Variants in LCORL observed in about 807,000 individuals in gnomAD.
LCORL encodes the protein ligand dependent nuclear receptor corepressor like.
LCORL carries 41 observed loss-of-function variants against 141.8 expected under a neutral mutation model. That is an observed-to-expected ratio of 0.29 (90% CI 0.23 to 0.38). The LOEUF is 0.38. Among genes scored for constraint, LCORL ranks in the 10% least tolerant of loss-of-function variants. The pLI is 1.00. For missense variants in LCORL, 1,759 were observed against 2,035.0 expected (o/e 0.86, Z 2.61); for synonymous variants, 618 against 694.1 (o/e 0.89, Z 1.72).
At chr4:17,995,205 ATTT>A (rs10602340) in intron 1 of LCORL, among the ~76,000 whole-genome samples, 94 of 134,634 alleles carry the variant, frequency 7.0e-4, no homozygotes, top group Middle Eastern at 3.8e-3. Flanking sequence ...TCTTTTAAGC[ATTT>A]TTTTTTTTTT....
chr4:17,954,652 G>T (rs1156530476), intron 4 of LCORL, among the ~76,000 whole-genome samples: 1 of 152,162 alleles, frequency 6.6e-6, no homozygotes, highest in Non-Finnish European at 1.5e-5. Flanking sequence ...AACCAGACCA[G>T]ATGGGCCTCA....
At chr4:17,882,738 G>A (rs996789796) in intron 6 of LCORL, 1 of 983,804 alleles carries the variant, frequency 1.0e-6, no homozygotes, top group Non-Finnish European at 1.2e-6. Context: ...TTACACTGAG[G>A]TTTTTCAATA....
chr4:17,990,098 T>G (rs966466481), intron 1 of LCORL, among the ~76,000 whole-genome samples: 132 of 135,840 alleles, frequency 9.7e-4, no homozygotes, highest in African/African-American at 4.1e-3. Flanking sequence ...CTCTCTGCGT[T>G]TTTTTTTTTT....
chr4:17,892,741 A>G (rs1272693128), intron 5 of LCORL, among the ~76,000 whole-genome samples: 6 of 152,188 alleles, frequency 3.9e-5, no homozygotes, highest in Non-Finnish European at 8.8e-5. Context: ...ACCAAATGCC[A>G]CTTTAGACTT....
In LCORL at chr4:17,980,758, A is replaced by T. The variant is rs976169368; in HGVS notation, c.155-7873T>A. Reference sequence around the variant, plus strand: ...GTTAGGAAAGGGACCACACAGCAGGAGGTGAGCAGCGGGCAAGCGAGCATT... The same window carrying T: ...GTTAGGAAAGGGACCACACAGCAGGTGGTGAGCAGCGGGCAAGCGAGCATT... On this transcript the variant is annotated intron_variant, in intron 1 of 7. Coordinates refer to ENST00000635767, the Ensembl canonical transcript of LCORL. 7.2e-5 allele frequency among the ~76,000 whole-genome samples: 11 copies of T among 152,302 alleles called. No individual in the cohort carries two copies. The South Asian group carries it at 1.2e-3, about 17-fold the overall frequency.
intron 4 of LCORL, among the ~76,000 whole-genome samples, chr4:17,956,479 T>C (rs1712656418): frequency 6.6e-6 from 1 of 152,024 alleles, no homozygotes; most frequent in Non-Finnish European, 1.5e-5. Context: ...ATAAAAAGAA[T>C]AAAATCCTGC....
intron 5 of LCORL, among the ~76,000 whole-genome samples, chr4:17,905,459 A>T (rs1731461945): frequency 6.6e-6 from 1 of 152,030 alleles, no homozygotes; most frequent in South Asian, 2.1e-4. Flanking sequence ...GGATTTTTGC[A>T]TCTAGGTTTG....
intron 4 of LCORL, among the ~76,000 whole-genome samples, chr4:17,959,510 A>C (rs976658713): frequency 2.0e-5 from 3 of 152,078 alleles, no homozygotes; most frequent in African/African-American, 7.2e-5. Context: ...AATGAGATAG[A>C]GCATAAAAAA....
At chr4:17,858,668 C>T (rs927887726) in intron 7 of LCORL, among the ~76,000 whole-genome samples, 9 of 151,610 alleles carry the variant, frequency 5.9e-5, no homozygotes, top group African/African-American at 1.5e-4. Context: ...GTGGAGGTTG[C>T]GGTGAGCCAA....
At chr4:17,891,968 A>T (rs1729145828) in intron 5 of LCORL, among the ~76,000 whole-genome samples, 1 of 152,174 alleles carries the variant, frequency 6.6e-6, no homozygotes, top group Non-Finnish European at 1.5e-5. Context: ...AAAAATCCGT[A>T]AACTTAATTA....
At chr4:17,999,801 C>T (rs889638937) in intron 1 of LCORL, among the ~76,000 whole-genome samples, 5 of 152,106 alleles carry the variant, frequency 3.3e-5, no homozygotes, top group Admixed American at 1.3e-4. Context: ...ATTTTTGATA[C>T]GATTTCTCAG....
intron 5 of LCORL, among the ~76,000 whole-genome samples, chr4:17,890,046 A>G (rs1330080726): frequency 6.6e-6 from 1 of 152,054 alleles, no homozygotes; most frequent in Non-Finnish European, 1.5e-5. Flanking sequence ...TCTGCAGTCT[A>G]TCTTATTACA....
intron 2 of LCORL, among the ~76,000 whole-genome samples, chr4:17,965,640 A>C (rs910885413): frequency 6.6e-6 from 1 of 152,140 alleles, no homozygotes; most frequent in Non-Finnish European, 1.5e-5. Flanking sequence ...CATTTTATCT[A>C]ATCCAGATTT....
chr4:18,018,618 T>G (rs796710341), intron 1 of LCORL, among the ~76,000 whole-genome samples: 20 of 152,260 alleles, frequency 1.3e-4, no homozygotes, highest in African/African-American at 4.8e-4. Context: ...AAAACAACTT[T>G]CTACCCTATA....
intron 4 of LCORL, among the ~76,000 whole-genome samples, chr4:17,945,091 T>C (rs948003508): frequency 7.9e-5 from 12 of 152,136 alleles, no homozygotes; most frequent in African/African-American, 2.7e-4. Context: ...ATTCCTTATA[T>C]CTTAGCAAAT....
At chr4:17,962,002 A>G (rs1204594908) in exon 4 of LCORL, 1 of 1,608,164 alleles carries the variant, frequency 6.2e-7, no homozygotes, top group African/African-American at 1.3e-5. Flanking sequence ...GTTGGTGTTG[A>G]CTGTGAAGAA....
intron 1 of LCORL, among the ~76,000 whole-genome samples, chr4:17,994,777 G>GAA (rs11430331): frequency 0.016 from 2,437 of 148,032 alleles, 75 homozygotes; most frequent in African/African-American, 0.057. Flanking sequence ...GAGTAATAGG[G>GAA]AAAAAAAAAA....
chr4:17,890,688 T>A (rs552016821), intron 5 of LCORL, among the ~76,000 whole-genome samples: 1 of 152,122 alleles, frequency 6.6e-6, no homozygotes, highest in Non-Finnish European at 1.5e-5. Flanking sequence ...GAATTAAAGA[T>A]AAGCCAATCT....
At chr4:17,968,253 TAAAC>T (rs952233191) in intron 2 of LCORL, among the ~76,000 whole-genome samples, 66 of 152,312 alleles carry the variant, frequency 4.3e-4, no homozygotes, top group African/African-American at 1.0e-3. Context: ...TGCACCAACT[TAAAC>T]ATACATATGT....
Sources: gnomAD v4.1 joint callset for allele counts (sites outside exome capture counted in the v4.1 genomes callset) on GRCh38, gnomAD v4.1.1 for gene constraint, MANE v1.5 for transcripts, NCBI Gene and HGNC (gene_info 2026-07-23, HGNC 2026-07-21) for gene names.